THRA: variants seen among roughly 807,000 people sequenced by gnomAD.
THRA encodes thyroid hormone receptor alpha.
In THRA, 13 loss-of-function variants were observed where a neutral mutation model predicts 45.0. That is an observed-to-expected ratio of 0.29 (90% confidence interval 0.19 to 0.46). THRA has a LOEUF of 0.46. Ranked by LOEUF, THRA falls within the 20% of genes least tolerant of loss-of-function variation. The pLI, the probability that THRA is intolerant of heterozygous loss-of-function variation, is 1.00. For synonymous variants in THRA, 195 were observed against 214.0 expected (o/e 0.91, Z 0.78); for missense variants, 278 against 556.1 (o/e 0.50, Z 5.03).
intron 3 of THRA, 87 bp downstream of exon 3, chr17:40,077,025 TA>T: frequency 7.4e-7 from 1 of 1,359,868 alleles, no homozygotes; most frequent in Non-Finnish European, 1.0e-6. Context: ...TGTGGAACAG[TA>T]ATTCATGTGT....
intron 8 of THRA, among the ~76,000 whole-genome samples, chr17:40,088,801 C>T (rs1174214000): frequency 3.3e-5 from 5 of 151,602 alleles, no homozygotes; most frequent in African/African-American, 1.2e-4. Flanking sequence ...ACTTTGTTCT[C>T]AGCCACCTTC....
intron 1 of THRA, among the ~76,000 whole-genome samples, chr17:40,071,526 AGTGGGTGGCCAGGCCAG>A (rs1986775610): frequency 6.6e-6 from 1 of 152,168 alleles, no homozygotes; most frequent in Non-Finnish European, 1.5e-5. Flanking sequence ...ACAAGGAGGG[AGTGGGTGGCCAGGCCAG>A]CCGACAGGTG....
intron 1 of THRA, among the ~76,000 whole-genome samples, chr17:40,063,800 T>C (rs533394611): frequency 3.9e-4 from 60 of 151,990 alleles, no homozygotes; most frequent in Admixed American, 3.9e-3. Flanking sequence ...CTTGTTTCCC[T>C]CCCCTTGCAA....
Position 40,090,078 on chromosome 17 carries a change from G to T in THRA, c.*622G>T. 1.0e-6 allele frequency: 1 copy of T among 975,176 alleles called. No individual in the cohort carries two copies. Among genetic ancestry groups the T allele is most frequent in the Non-Finnish European group, 1.2e-6 (1 of 820,258 alleles). 60.4% of individuals were successfully genotyped at this position (975,176 alleles called of 1,614,324 possible). Reference sequence around the variant, plus strand: ...GAGAGAGCGAGCGATAGAGAGAGATGATATTAAGTTATTAACTGAGGCTGA... The same window carrying T: ...GAGAGAGCGAGCGATAGAGAGAGATTATATTAAGTTATTAACTGAGGCTGA... On this transcript the variant is annotated 3_prime_UTR_variant, in exon 9 of 9. Coordinates refer to ENST00000450525, the MANE Select transcript of THRA (RefSeq NM_199334.5).
chr17:40,084,698 A>G lies in THRA; in HGVS notation c.459A>G (p.Ser153=). The G allele has an allele frequency of 6.2e-7, 1 of 1,614,084 alleles. No homozygotes were observed. Among genetic ancestry groups the G allele is most frequent in the Non-Finnish European group, 8.5e-7 (1 of 1,180,008 alleles). The change falls in exon 6 of 9, where the codon TCA becomes TCG. Residue 153 remains serine (S), a synonymous_variant. Transcript: ENST00000450525. Reference sequence around the variant, plus strand: ...GGCGGAAGGAGGAGATGATCCGATCACTGCAGCAGCGACCAGAGCCCACTC... The same window carrying G: ...GGCGGAAGGAGGAGATGATCCGATCGCTGCAGCAGCGACCAGAGCCCACTC... ...ERRRKEEMIR[S]LQQRPEPTPE... is the part of the protein sequence containing the mutation.
chr17:40,067,742 G>T (rs1212025600), intron 1 of THRA, among the ~76,000 whole-genome samples: 1 of 152,238 alleles, frequency 6.6e-6, no homozygotes, highest in Non-Finnish European at 1.5e-5. Context: ...TCTCGGCTGG[G>T]CACAGTGGCT....
At chr17:40,085,458 C>G (rs1450133026) in intron 6 of THRA, among the ~76,000 whole-genome samples, 3 of 151,882 alleles carry the variant, frequency 2.0e-5, no homozygotes, top group African/African-American at 7.3e-5. Flanking sequence ...CTCCGTCTCC[C>G]GAGTAGTTGG....
At chr17:40,071,923 G>A (rs1986791275) in intron 1 of THRA, among the ~76,000 whole-genome samples, 1 of 152,108 alleles carries the variant, frequency 6.6e-6, no homozygotes, top group Non-Finnish European at 1.5e-5. Flanking sequence ...GGGTGCCCTA[G>A]GCAGCAAGGG....
chr17:40,087,136 C>A, intron 7 of THRA: 1 of 417,634 alleles, frequency 2.4e-6, no homozygotes, highest in Non-Finnish European at 4.4e-6. Context: ...CACAGACACA[C>A]ACACACCTAG....
intron 6 of THRA, 113 bp downstream of exon 6, chr17:40,084,928 A>G: frequency 8.7e-7 from 1 of 1,149,938 alleles, no homozygotes; most frequent in East Asian, 2.5e-5. Context: ...AACCCAAAAT[A>G]CATACTCTTC....
chr17:40,084,631 G>A lies in THRA; in HGVS notation c.392G>A (p.Arg131Gln). ...AMDLVLDDSK[R>Q]VAKRKLIEQN... ...ACAGTGGTTCTAGATGACTCGAAGC[G>A]GGTGGCCAAGCGTAAGCTGATTGAG... The change falls in exon 6 of 9, where the codon CGG becomes CAG. Residue 131 changes from arginine (R) to glutamine (Q), a missense_variant. Coordinates refer to ENST00000450525, the MANE Select transcript of THRA (RefSeq NM_199334.5). 2 of 1,614,080 alleles carry A rather than the reference G, an allele frequency of 1.2e-6. No individual in the cohort carries two copies. Among genetic ancestry groups the A allele is most frequent in the Non-Finnish European group, 8.5e-7 (1 of 1,180,022 alleles).
intron 6 of THRA, among the ~76,000 whole-genome samples, chr17:40,086,004 C>T (rs962665539): frequency 3.9e-5 from 6 of 152,224 alleles, no homozygotes; most frequent in African/African-American, 2.4e-5. Context: ...CCCAGCTACT[C>T]GGGAGGCTGA....
chr17:40,063,831 T>A (rs1362454796), intron 1 of THRA, among the ~76,000 whole-genome samples: 1 of 151,364 alleles, frequency 6.6e-6, no homozygotes, highest in Non-Finnish European at 1.5e-5. Flanking sequence ...GTGCCCCTTC[T>A]CCATCTGGGG....
intron 4 of THRA, 92 bp from the exon 5 acceptor site, chr17:40,083,743 T>C (rs1048301600): frequency 3.4e-6 from 5 of 1,466,994 alleles, no homozygotes; most frequent in African/African-American, 2.9e-5. Flanking sequence ...CCTTCCTTGC[T>C]CTCCACCCCT....
chr17:40,086,107 C>G (rs9674470), intron 6 of THRA, among the ~76,000 whole-genome samples: 1 of 152,200 alleles, frequency 6.6e-6, no homozygotes, highest in African/African-American at 2.4e-5. Context: ...GCAAGACCCT[C>G]TCTCAAAAAA....
intron 4 of THRA, among the ~76,000 whole-genome samples, chr17:40,081,011 C>T (rs150545887): frequency 4.0e-5 from 6 of 151,460 alleles, no homozygotes; most frequent in Non-Finnish European, 8.9e-5. Flanking sequence ...CGTGAGCCAC[C>T]GCACTCGGCT....
chr17:40,066,293 T>C (rs1379101178), intron 1 of THRA, among the ~76,000 whole-genome samples: 2 of 152,052 alleles, frequency 1.3e-5, no homozygotes, highest in Non-Finnish European at 2.9e-5. Context: ...TGGAGGCACT[T>C]GGCAGAGAAC....
In THRA at chr17:40,069,091, C is replaced by CCTCCCTCTCTCT. The variant is rs1238628893; in HGVS notation, c.-297-5093_-297-5082dup. Reference sequence around the variant, plus strand: ...CGCGCGCTCTCTCCCTCCCTCTCTCCCTCCCTCTCTCTCTCCCTCCCTCCC... The same window carrying CCTCCCTCTCTCT: ...CGCGCGCTCTCTCCCTCCCTCTCTCCCTCCCTCTCTCTCTCCCTCTCTCTCTCCCTCCCTCCC... On this transcript the variant is annotated intron_variant, in intron 1 of 8. Transcript: ENST00000450525. 11 of 148,910 alleles carry CCTCCCTCTCTCT rather than the reference C, an allele frequency of 7.4e-5. No homozygotes were observed. In the East Asian group the frequency reaches 8.1e-4, roughly 11 times the overall value. 9.2% of individuals were successfully genotyped at this position (148,910 alleles called of 1,614,324 possible).
chr17:40,075,309 G>T (rs904161860), intron 2 of THRA, among the ~76,000 whole-genome samples: 1 of 151,692 alleles, frequency 6.6e-6, no homozygotes, highest in African/African-American at 2.4e-5. Context: ...GAGGGTGGGG[G>T]TGGGGGTGCT....
Sources: gnomAD v4.1 joint callset for allele counts (sites outside exome capture counted in the v4.1 genomes callset) on GRCh38, gnomAD v4.1.1 for gene constraint, MANE v1.5 for transcripts, NCBI Gene and HGNC (gene_info 2026-07-23, HGNC 2026-07-21) for gene names.